Variants in MYO10 observed in about 807,000 individuals in gnomAD.
MYO10 encodes unconventional myosin-X.
MYO10 carries 133 observed loss-of-function variants against 257.3 expected under a neutral mutation model. That is an observed-to-expected ratio of 0.52 (90% CI 0.45 to 0.60). MYO10 has a LOEUF of 0.60. Ranked by LOEUF, MYO10 falls within the 20% of genes least tolerant of loss-of-function variation. The pLI is 0.00. For missense variants in MYO10, 2,399 were observed against 2,635.7 expected (o/e 0.91, Z 1.97); for synonymous variants, 1,104 against 1,028.6 (o/e 1.07, Z -1.40).
In MYO10 at chr5:16,681,908, C is replaced by T; in HGVS notation, c.4152G>A (p.Gly1384=). ...ATTCCTGGCCCTCCACTCTGGTGTC[C>T]CCTTTGGACCTCTGCAGCAGGGTTA... ...HWITLLQRSK[G]DTRVEGQEFI... Residue 1384 remains glycine, a synonymous_variant, in exon 31 of 41, where the codon GGG becomes GGA. Transcript: ENST00000513610. The T allele has an allele frequency of 6.2e-7, 1 of 1,613,974 alleles. No homozygotes were observed.
chr5:16,704,827 G>C (rs1175167087), intron 21 of MYO10, 142 bp from the exon 22 acceptor site: 5 of 639,714 alleles, frequency 7.8e-6, no homozygotes, highest in African/African-American at 3.7e-5. Flanking sequence ...CTAGAATAGT[G>C]CTTTTTAAAG....
chr5:16,921,636 GAAA>G (rs3061955), intron 1 of MYO10, among the ~76,000 whole-genome samples: 19 of 120,680 alleles, frequency 1.6e-4, no homozygotes, highest in African/African-American at 3.4e-4. Context: ...AAAGGAAAAA[GAAA>G]AAAAAAAAAA....
intron 1 of MYO10, among the ~76,000 whole-genome samples, chr5:16,889,612 G>A (rs1211598398): frequency 6.6e-6 from 1 of 151,770 alleles, no homozygotes; most frequent in Non-Finnish European, 1.5e-5. Context: ...GTAAGTAAAT[G>A]GAGCTAGGAG....
chr5:16,890,005 A>G (rs531807852), intron 1 of MYO10, among the ~76,000 whole-genome samples: 2 of 152,022 alleles, frequency 1.3e-5, no homozygotes, highest in Non-Finnish European at 2.9e-5. Flanking sequence ...ATACACAAGT[A>G]TGCTCAGAAC....
At chr5:16,712,530 T>C (rs933203186) in intron 19 of MYO10, among the ~76,000 whole-genome samples, 2 of 152,214 alleles carry the variant, frequency 1.3e-5, no homozygotes, top group African/African-American at 4.8e-5. Flanking sequence ...AGGACCTAAC[T>C]GTTAAAAAAA....
At chr5:16,828,460 A>G (rs948707228) in intron 2 of MYO10, among the ~76,000 whole-genome samples, 2 of 152,022 alleles carry the variant, frequency 1.3e-5, no homozygotes, top group Non-Finnish European at 1.5e-5. Flanking sequence ...CTCTACTAAA[A>G]ATAACAAAAG....
At chr5:16,872,404 CAT>C (rs1158482102) in intron 2 of MYO10, among the ~76,000 whole-genome samples, 1 of 152,140 alleles carries the variant, frequency 6.6e-6, no homozygotes, top group Non-Finnish European at 1.5e-5. Context: ...GATTAGTGGG[CAT>C]AGAGTTTCAG....
intron 19 of MYO10, 109 bp from the exon 20 acceptor site, chr5:16,711,354 A>G: frequency 8.8e-7 from 1 of 1,130,280 alleles, no homozygotes; most frequent in South Asian, 1.5e-5. Context: ...TTCAAAACAC[A>G]TACGAGAATC....
In MYO10 at chr5:16,896,474, TAATCACAC is replaced by T. The variant is rs1385619948; in HGVS notation, c.22-18775_22-18768del. On this transcript the variant is annotated intron_variant, in intron 1 of 40. Coordinates refer to ENST00000513610, the MANE Select transcript of MYO10 (RefSeq NM_012334.3). Reference sequence around the variant, plus strand: ...AGCTGGGCATGGTAGCACATGCCTGTAATCACACCTACACAGGAGGCTGAGGCAGAACT... The same window carrying T: ...AGCTGGGCATGGTAGCACATGCCTGTCTACACAGGAGGCTGAGGCAGAACT... 5.9e-5 allele frequency among the ~76,000 whole-genome samples: 9 copies of T among 152,034 alleles called. No homozygotes were observed. The East Asian group carries it at 1.7e-3, about 29-fold the overall frequency.
chr5:16,735,688 A>G (rs1579928796), intron 19 of MYO10, among the ~76,000 whole-genome samples: 1 of 144,410 alleles, frequency 6.9e-6, no homozygotes, highest in Admixed American at 7.0e-5. Context: ...GCCTCGGGAA[A>G]AAAAAAAAAA....
chr5:16,679,347 G>A (rs572484874), intron 33 of MYO10, among the ~76,000 whole-genome samples: 1 of 152,308 alleles, frequency 6.6e-6, no homozygotes, highest in African/African-American at 2.4e-5. Flanking sequence ...GCCCCACAGT[G>A]CAAGCTGCAG....
At chr5:16,766,257 T>A in intron 10 of MYO10, 59 bp from the exon 11 acceptor site, 6 of 1,281,864 alleles carry the variant, frequency 4.7e-6, no homozygotes, top group Non-Finnish European at 6.7e-6. Flanking sequence ...TAACCAGGCT[T>A]AGCGATACCT....
At position 16,670,873 on chromosome 5, in the gene MYO10, C is replaced by T. The variant is rs371334940; in HGVS notation, c.5536G>A (p.Ala1846Thr). 226 of 1,613,816 alleles carry T rather than the reference C, an allele frequency of 1.4e-4. 2 individuals are homozygous for T. The highest frequency in any genetic ancestry group is 1.8e-4 in the Non-Finnish European group (209 of 1,179,890). Residue 1846 changes from alanine (A) to threonine (T), a missense_variant, in exon 39 of 41, where the codon GCT becomes ACT. Coordinates refer to ENST00000513610, the MANE Select transcript of MYO10 (RefSeq NM_012334.3). ...QYLQGDYTLH[A>T]AIPPLEEVYS... ...ACCTCTTCGAGAGGTGGGATGGCAGCGTGCAGAGTATAATCCCCCTGCAGA... is the reference window on the plus strand; with the variant it reads ...ACCTCTTCGAGAGGTGGGATGGCAGTGTGCAGAGTATAATCCCCCTGCAGA...
rs765517039 is a variant in MYO10, at chr5:16,704,557, C to G, written c.2276+22G>C. 1.0e-5 allele frequency: 16 copies of G among 1,600,410 alleles called. No homozygotes were observed. In the South Asian group the frequency reaches 1.8e-4, roughly 18 times the overall value. ...CCCCTCATGGAGCTTCCTGCCTTAT[C>G]CCCTCAGCGTGGGGTTCTTACCGTG... On this transcript the variant is annotated intron_variant, in intron 22 of 40. Transcript: ENST00000513610.
chr5:16,813,274 C>T (rs529912072), intron 3 of MYO10, among the ~76,000 whole-genome samples: 46 of 152,230 alleles, frequency 3.0e-4, no homozygotes, highest in Admixed American at 1.4e-3. Context: ...CATCCCAACA[C>T]GTTGGAAGGC....
At chr5:16,718,696 T>C (rs1313807068) in intron 19 of MYO10, among the ~76,000 whole-genome samples, 1 of 151,470 alleles carries the variant, frequency 6.6e-6, no homozygotes, top group African/African-American at 2.4e-5. Context: ...TGTATCTAGC[T>C]GCTCTGGTGA....
intron 19 of MYO10, among the ~76,000 whole-genome samples, chr5:16,731,257 C>A (rs1739570862): frequency 6.6e-6 from 1 of 151,976 alleles, no homozygotes; most frequent in African/African-American, 2.4e-5. Flanking sequence ...CTTGGCCAGG[C>A]TGGTCTTGAA....
At chr5:16,787,497 A>G (rs1741620481) in intron 4 of MYO10, among the ~76,000 whole-genome samples, 1 of 152,096 alleles carries the variant, frequency 6.6e-6, no homozygotes, top group Non-Finnish European at 1.5e-5. Flanking sequence ...AGCCCAAGGC[A>G]ATTACAGTTC....
At chr5:16,717,421 T>C (rs1392467811) in intron 19 of MYO10, among the ~76,000 whole-genome samples, 3 of 152,188 alleles carry the variant, frequency 2.0e-5, no homozygotes, top group African/African-American at 7.2e-5. Context: ...TCTCTGGAGA[T>C]TTAAGCACAA....
Sources: allele counts gnomAD v4.1 joint callset (sites outside exome capture counted in the v4.1 genomes callset), GRCh38; gene constraint gnomAD v4.1.1; transcripts MANE v1.5; gene names NCBI Gene and HGNC (gene_info 2026-07-23, HGNC 2026-07-21).